Variants in SP4 observed in about 807,000 individuals in gnomAD.
SP4 encodes the protein Sp4 transcription factor.
In SP4, 19 loss-of-function variants were observed where a neutral mutation model predicts 72.8. The observed-to-expected ratio is 0.26, with a 90% CI of 0.18 to 0.38. The LOEUF is 0.38. SP4 is among the 10% of genes least tolerant of loss of function. SP4 has a pLI of 1.00. For synonymous variants in SP4, 395 were observed against 333.1 expected, an observed-to-expected ratio of 1.19 and a Z score of -2.02; for missense variants, 1,008 against 926.3, an observed-to-expected ratio of 1.09 and a Z score of -1.14.
intron 3 of SP4, 56 bp downstream of exon 3, chr7:21,430,899 G>A: frequency 2.3e-6 from 3 of 1,291,024 alleles, no homozygotes; most frequent in Non-Finnish European, 2.2e-6. Flanking sequence ...AACAATTATT[G>A]CTTTTCTCTC....
intron 3 of SP4, among the ~76,000 whole-genome samples, chr7:21,434,356 C>A (rs1488630741): frequency 6.6e-6 from 1 of 152,134 alleles, no homozygotes; most frequent in Non-Finnish European, 1.5e-5. Flanking sequence ...TCTAATGAAA[C>A]CAGTACTTGA....
Position 21,428,169 on chromosome 7 carries a change from C to A in SP4, c.-83C>A. 3 of 767,580 alleles carry A rather than the reference C, an allele frequency of 3.9e-6. No homozygotes were observed. In the Admixed American group the frequency reaches 6.0e-5, roughly 15 times the overall value. 47.5% of individuals were successfully genotyped at this position (767,580 alleles called of 1,614,324 possible). On this transcript the variant is annotated 5_prime_UTR_variant, in exon 1 of 6. Coordinates refer to ENST00000222584, the MANE Select transcript of SP4 (RefSeq NM_003112.5). The stretch of plus-strand genomic sequence containing the variant: ...CCGAGCCACCGCGGGCGGGCGGGAC[C>A]GGCCTCTCCTCCCGCCTCGCCCCCA...
chr7:21,496,868 C>G (rs974740428), intron 5 of SP4, among the ~76,000 whole-genome samples: 15 of 152,182 alleles, frequency 9.9e-5, no homozygotes, highest in Admixed American at 7.2e-4. Flanking sequence ...CCTAGAGCCT[C>G]AGGATTAGGC....
intron 4 of SP4, among the ~76,000 whole-genome samples, chr7:21,479,049 A>G (rs888954237): frequency 6.6e-6 from 1 of 151,544 alleles, no homozygotes; most frequent in African/African-American, 2.4e-5. Context: ...GCCTGGGTGA[A>G]AGAGCGAAAC....
intron 3 of SP4, among the ~76,000 whole-genome samples, chr7:21,448,451 T>C (rs1405373388): frequency 6.6e-6 from 1 of 152,216 alleles, no homozygotes; most frequent in African/African-American, 2.4e-5. Flanking sequence ...ACATGATAAT[T>C]ATATAGATTT....
intron 4 of SP4, among the ~76,000 whole-genome samples, chr7:21,481,175 G>T (rs974768146): frequency 1.3e-5 from 2 of 152,296 alleles, no homozygotes; most frequent in African/African-American, 4.8e-5. Flanking sequence ...TAAGGACTTG[G>T]TTCTGCTACA....
chr7:21,505,880 T>C (rs1279102665), intron 5 of SP4, among the ~76,000 whole-genome samples: 1 of 152,162 alleles, frequency 6.6e-6, no homozygotes, highest in African/African-American at 2.4e-5. Context: ...TGGGATATTG[T>C]TCTCTGCAAA....
intron 3 of SP4, among the ~76,000 whole-genome samples, chr7:21,438,396 AT>A (rs938587529): frequency 2.0e-5 from 3 of 151,970 alleles, no homozygotes; most frequent in East Asian, 1.9e-4. Context: ...GATATTTACC[AT>A]TTTTTTTCAT....
chr7:21,510,262 G>C (rs867208413), intron 5 of SP4, among the ~76,000 whole-genome samples: 1 of 152,106 alleles, frequency 6.6e-6, no homozygotes, highest in Non-Finnish European at 1.5e-5. Context: ...AAGATCTACG[G>C]CTAACAGTTA....
At chr7:21,457,689 T>A (rs1433515635) in intron 3 of SP4, among the ~76,000 whole-genome samples, 1 of 152,100 alleles carries the variant, frequency 6.6e-6, no homozygotes, top group Non-Finnish European at 1.5e-5. Context: ...AACATAGCAA[T>A]ATAAAATAAT....
intron 5 of SP4, chr7:21,482,810 ATC>A: frequency 1.1e-6 from 1 of 946,134 alleles, no homozygotes; most frequent in South Asian, 4.9e-5. Context: ...TTGTTTTGAG[ATC>A]TGTTTGTACA....
At chr7:21,496,261 CAT>C (rs1444423294) in intron 5 of SP4, among the ~76,000 whole-genome samples, 1 of 152,136 alleles carries the variant, frequency 6.6e-6, no homozygotes, top group Non-Finnish European at 1.5e-5. Context: ...TAAATTAAAA[CAT>C]AAATGTTAAA....
At chr7:21,475,342 C>T (rs1434746671) in intron 3 of SP4, among the ~76,000 whole-genome samples, 1 of 152,120 alleles carries the variant, frequency 6.6e-6, no homozygotes, top group Non-Finnish European at 1.5e-5. Flanking sequence ...TCTCCATCTC[C>T]TGACCTCGTG....
chr7:21,495,491 G>A (rs1408692648), intron 5 of SP4, among the ~76,000 whole-genome samples: 2 of 151,948 alleles, frequency 1.3e-5, no homozygotes, highest in Non-Finnish European at 2.9e-5. Flanking sequence ...ATGAAAAGAT[G>A]TCTGATATCA....
At chr7:21,439,375 T>C (rs1235328997) in intron 3 of SP4, among the ~76,000 whole-genome samples, 1 of 152,200 alleles carries the variant, frequency 6.6e-6, no homozygotes, top group Non-Finnish European at 1.5e-5. Context: ...TGGGTGCAAG[T>C]ACAATTTTGT....
chr7:21,482,479 G>GTT (rs987004628), intron 5 of SP4: 46 of 184,272 alleles, frequency 2.5e-4, no homozygotes, highest in Middle Eastern at 2.8e-3. Flanking sequence ...GTGTGTTTTA[G>GTT]TTTTTTTTTT....
At chr7:21,449,012 C>T (rs1324429609) in intron 3 of SP4, among the ~76,000 whole-genome samples, 1 of 152,176 alleles carries the variant, frequency 6.6e-6, no homozygotes, top group African/African-American at 2.4e-5. Context: ...GACAATTCTC[C>T]TGCAAATGCT....
intron 3 of SP4, among the ~76,000 whole-genome samples, chr7:21,441,905 C>A (rs1783256352): frequency 6.6e-6 from 1 of 152,078 alleles, no homozygotes; most frequent in African/African-American, 2.4e-5. Context: ...TTTCTGCCCT[C>A]ATAGGATATA....
intron 3 of SP4, among the ~76,000 whole-genome samples, chr7:21,463,123 T>C (rs558731549): frequency 1.4e-4 from 22 of 152,116 alleles, no homozygotes; most frequent in African/African-American, 5.3e-4. Context: ...GTGAAAGTGC[T>C]TCTAAAATGA....
Sources: gnomAD v4.1 joint callset for allele counts (sites outside exome capture counted in the v4.1 genomes callset) on GRCh38, gnomAD v4.1.1 for gene constraint, MANE v1.5 for transcripts, NCBI Gene and HGNC (gene_info 2026-07-23, HGNC 2026-07-21) for gene names.